The following SMARCA4 variants were observed in gnomAD, a reference collection of about 807,000 sequenced individuals.
SMARCA4 encodes SWI/SNF-related matrix-associated actin-dependent regulator of chromatin subfamily A member 4.
Under a neutral mutation model 193.9 loss-of-function variants are expected in SMARCA4, and 31 were observed. The ratio of observed to expected loss-of-function variants is 0.16; its 90% confidence interval spans 0.12 to 0.22. The LOEUF is 0.22. Among genes scored for constraint, SMARCA4 ranks in the 10% least tolerant of loss-of-function variants. The probability of loss-of-function intolerance (pLI) is 1.00; values close to 1 mark genes in which losing one functional copy is unlikely to be tolerated. For synonymous variants in SMARCA4, 942 were observed against 933.1 expected (o/e 1.01, Z -0.17); for missense variants, 1,148 against 2,296.0 (o/e 0.50, Z 10.22).
intron 14 of SMARCA4, among the ~76,000 whole-genome samples, chr19:11,009,677 G>A (rs1336129942): frequency 8.7e-5 from 13 of 150,088 alleles, no homozygotes; most frequent in Admixed American, 8.0e-4. Context: ...GCACCACCAC[G>A]CCCGGCTAAC....
intron 23 of SMARCA4, 84 bp downstream of exon 23, chr19:11,026,430 T>TA (rs1269341976): frequency 2.0e-6 from 2 of 987,358 alleles, no homozygotes; most frequent in Non-Finnish European, 3.3e-6. Flanking sequence ...TTGCTGCTGT[T>TA]ATGTTGTCCA....
intron 30 of SMARCA4, among the ~76,000 whole-genome samples, chr19:11,045,459 G>T (rs1472743367): frequency 6.6e-6 from 1 of 152,154 alleles, no homozygotes; most frequent in African/African-American, 2.4e-5. Flanking sequence ...AGGATACTGG[G>T]GATATTCTCT....
chr19:11,036,417 G>C (rs780622336), intron 29 of SMARCA4, among the ~76,000 whole-genome samples: 9 of 152,022 alleles, frequency 5.9e-5, no homozygotes, highest in Non-Finnish European at 1.3e-4. Context: ...ACACCAACAC[G>C]CCTGGCTAAT....
chr19:11,060,288 G>A (rs554500366), intron 34 of SMARCA4, 101 bp downstream of exon 34: 46 of 1,393,976 alleles, frequency 3.3e-5, no homozygotes, highest in East Asian at 5.0e-5. Flanking sequence ...ACGCCCCCAC[G>A]CTGCAGGTGG....
intron 16 of SMARCA4, among the ~76,000 whole-genome samples, chr19:11,014,443 G>A (rs1301677630): frequency 2.0e-5 from 3 of 152,236 alleles, no homozygotes; most frequent in Non-Finnish European, 4.4e-5. Context: ...TGAAGGAGCA[G>A]GGCGTCCTTG....
chr19:10,989,091 C>T (rs538728471), intron 6 of SMARCA4, among the ~76,000 whole-genome samples: 10 of 152,206 alleles, frequency 6.6e-5, no homozygotes, highest in African/African-American at 1.4e-4. Flanking sequence ...GACCTGGGCG[C>T]GTCTATCAGG....
intron 30 of SMARCA4, among the ~76,000 whole-genome samples, chr19:11,045,896 A>G (rs1315939190): frequency 6.6e-6 from 1 of 152,082 alleles, no homozygotes; most frequent in Non-Finnish European, 1.5e-5. Context: ...AGCCTGGCCA[A>G]CATAGTGAGA....
chr19:11,048,079 GC>G (rs1394095371), intron 30 of SMARCA4, among the ~76,000 whole-genome samples: 1 of 152,132 alleles, frequency 6.6e-6, no homozygotes, highest in Non-Finnish European at 1.5e-5. Flanking sequence ...ATGTCACTCG[GC>G]CCTTCCTTGG....
At position 11,031,246 on chromosome 19, in the gene SMARCA4, C is replaced by T. The variant is rs2074912728; in HGVS notation, c.3546+353C>T. On this transcript the variant is annotated intron_variant, in intron 25 of 34. Coordinates refer to ENST00000344626, the MANE Select transcript of SMARCA4 (RefSeq NM_003072.5). This position sits in a 1 kb window ranked among gnomAD's most constrained non-coding sequence, Gnocchi z 4.3. ...GCCCCTGCAGTGTGCCCTGTGAGCA[C>T]ACACACTGGCGCTTGTTCAGACACA... The T allele has an allele frequency of 5.5e-6, 2 of 364,344 alleles. No individual in the cohort carries two copies. Among genetic ancestry groups the T allele is most frequent in the South Asian group, 4.8e-5 (2 of 41,420 alleles). 22.6% of individuals were successfully genotyped at this position (364,344 alleles called of 1,614,324 possible).
chr19:11,045,628 C>T (rs901062760), intron 30 of SMARCA4, among the ~76,000 whole-genome samples: 2 of 151,468 alleles, frequency 1.3e-5, no homozygotes, highest in Admixed American at 6.6e-5. Context: ...AAAAGTATGT[C>T]TAGTGTTAGT....
chr19:11,003,347 G>A lies in SMARCA4; in HGVS notation c.1951G>A (p.Val651Ile). ...AWLEMNPGYE[V>I]APRSDSEESG... is the part of the protein sequence containing the mutation. ...CCCTTACATTTTTTCTAGGTATGAAGTAGCTCCGAGGTCTGATAGTGAAGA... is the reference window on the plus strand; with the variant it reads ...CCCTTACATTTTTTCTAGGTATGAAATAGCTCCGAGGTCTGATAGTGAAGA... Residue 651 changes from valine to isoleucine, a missense_variant, in exon 13 of 35, where the codon GTA becomes ATA. Val to Ile is a conservative substitution (Grantham distance 29). Around this residue, in one of 17 missense-constraint regions of SMARCA4, gnomAD observed 115 missense variants for 175.1 expected, o/e 0.66. Coordinates refer to ENST00000344626, the MANE Select transcript of SMARCA4 (RefSeq NM_003072.5). 2 of 1,613,988 alleles carry A rather than the reference G, an allele frequency of 1.2e-6. No individual in the cohort carries two copies. The highest frequency in any genetic ancestry group is 1.7e-6 in the Non-Finnish European group (2 of 1,179,810).
At chr19:10,998,286 G>A (rs989034626) in intron 11 of SMARCA4, among the ~76,000 whole-genome samples, 1 of 152,166 alleles carries the variant, frequency 6.6e-6, no homozygotes, top group Non-Finnish European at 1.5e-5. Flanking sequence ...GACCCAACAT[G>A]GCCCTGAGTC....
intron 34 of SMARCA4, among the ~76,000 whole-genome samples, chr19:11,061,188 T>TA (rs140377414): frequency 5.2e-4 from 36 of 68,846 alleles, no homozygotes; most frequent in South Asian, 1.6e-3. Flanking sequence ...ACCCTGTCTT[T>TA]AAAAAAAAAA....
In SMARCA4 at chr19:11,034,934, G is replaced by T; in HGVS notation, c.3972G>T (p.Arg1324Ser). ...ACCAGCGCATGGACCTGGACCGCAG[G>T]CGCGAGGAGGCCCGCAACCCCAAGC... ...DLFMRMDLDRRREEARNPKRK... is the reference protein window; with the variant it reads ...DLFMRMDLDRSREEARNPKRK... Residue 1324 changes from arginine to serine, a missense_variant, in exon 29 of 35, where the codon AGG becomes AGT. Around this residue, in one of 17 missense-constraint regions of SMARCA4, gnomAD observed 84 missense variants for 202.2 expected, o/e 0.42. Transcript: ENST00000344626. This position sits in a 1 kb window ranked among gnomAD's most constrained non-coding sequence, Gnocchi z 7.0. 1.3e-6 allele frequency: 2 copies of T among 1,574,856 alleles called. No homozygotes were observed. The highest frequency in any genetic ancestry group is 8.6e-7 in the Non-Finnish European group (1 of 1,161,770).
At chr19:10,973,407 CTT>C (rs775660619) in intron 1 of SMARCA4, among the ~76,000 whole-genome samples, 6 of 143,882 alleles carry the variant, frequency 4.2e-5, no homozygotes, top group Non-Finnish European at 4.6e-5. Flanking sequence ...AAGCGGTTTT[CTT>C]TTTTTTTTTT....
chr19:11,026,558 G>A (rs996911960), intron 23 of SMARCA4, among the ~76,000 whole-genome samples: 1 of 145,184 alleles, frequency 6.9e-6, no homozygotes, highest in Non-Finnish European at 1.5e-5. Context: ...GGAGTGCAGT[G>A]ACACAATCTC....
At chr19:11,039,621 T>C in intron 29 of SMARCA4, 1 of 803,128 alleles carries the variant, frequency 1.2e-6, no homozygotes, top group South Asian at 2.0e-5. Context: ...CTAATGCCCC[T>C]GAACTGTGTA....
At chr19:11,011,198 C>G (rs2088808298) in intron 15 of SMARCA4, 1 of 153,560 alleles carries the variant, frequency 6.5e-6, no homozygotes, top group African/African-American at 2.4e-5. Flanking sequence ...GAACAGCTCT[C>G]TCTGGTTTTC....
At position 10,987,725 on chromosome 19, in the gene SMARCA4, C is replaced by A. The variant is rs2145815694; in HGVS notation, c.919C>A (p.Pro307Thr). The A allele has an allele frequency of 6.2e-7, 1 of 1,609,462 alleles. No homozygotes were observed. The highest frequency in any genetic ancestry group is 8.5e-7 in the Non-Finnish European group (1 of 1,177,700). Residue 307 changes from proline to threonine, a missense_variant, in exon 6 of 35, where the codon CCA becomes ACA. By Grantham distance (38) the Pro-to-Thr change is conservative. Coordinates refer to ENST00000344626, the MANE Select transcript of SMARCA4 (RefSeq NM_003072.5). The surrounding 1 kb of genome is among the most constrained non-coding windows in gnomAD (Gnocchi z 5.3). ...CCCTCAGAAGCTGATTCCCCCGCAG[C>A]CAACGGGCCGCCCTTCCCCCGCGCC... ...STPQKLIPPQ[P>T]TGRPSPAPPA...
Sources: allele counts gnomAD v4.1 joint callset (sites outside exome capture counted in the v4.1 genomes callset), GRCh38; gene constraint gnomAD v4.1.1; regional missense constraint gnomAD v4.1.1; non-coding constraint Gnocchi (gnomAD v3.1); transcripts MANE v1.5; gene names NCBI Gene and HGNC (gene_info 2026-07-23, HGNC 2026-07-21).